The following OAS3 variants were observed in gnomAD, a reference collection of about 807,000 sequenced individuals.
OAS3 encodes the protein 2'-5'-oligoadenylate synthetase 3.
Under a neutral mutation model 113.0 loss-of-function variants are expected in OAS3, and 107 were observed. The ratio of observed to expected loss-of-function variants is 0.95; its 90% CI spans 0.81 to 1.11. The LOEUF is 1.11. Among genes scored for constraint, OAS3 ranks in the 50% most tolerant of loss-of-function variants. The pLI is 0.00. For missense variants in OAS3, 1,258 were observed against 1,389.1 expected (o/e 0.91, Z 1.50); for synonymous variants, 552 against 573.6 (o/e 0.96, Z 0.54).
rs1243086713 is a variant in OAS3 at position 112,963,320 on chromosome 12, G to A, written c.2092G>A (p.Val698Ile). The change falls in exon 10 of 16, where the codon GTC becomes ATC. Residue 698 changes from valine to isoleucine, a missense_variant. Coordinates refer to ENST00000228928, the MANE Select transcript of OAS3 (RefSeq NM_006187.4). The surrounding 1 kb of genome is among the most constrained non-coding windows in gnomAD (Gnocchi z 4.6). ...TTCCTGCTGTGCCCCCAGACCCCTG[G>A]TCCTGGACCCCGCTGATCCCACCTG... is the stretch of plus-strand genomic sequence containing the variant. ...LGQLRKPRPL[V>I]LDPADPTWNV... The A allele has an allele frequency of 1.3e-6, 2 of 1,577,070 alleles. No homozygotes were observed. Among genetic ancestry groups the A allele is most frequent in the Non-Finnish European group, 1.7e-6 (2 of 1,160,506 alleles).
At chr12:112,951,270 T>C (rs2043788656) in intron 7 of OAS3, among the ~76,000 whole-genome samples, 1 of 152,148 alleles carries the variant, frequency 6.6e-6, no homozygotes, top group South Asian at 2.1e-4. Context: ...ATCTGCTTGG[T>C]ATTTTTTTAA....
At chr12:112,962,000 T>C (rs1028680180) in intron 8 of OAS3, among the ~76,000 whole-genome samples, 9 of 152,174 alleles carry the variant, frequency 5.9e-5, no homozygotes, top group African/African-American at 2.2e-4. Flanking sequence ...TCTTACCATG[T>C]TGCCCAGGTT....
rs150868933 is a variant in OAS3, at chr12:112,949,463, G to A, written c.1374+258G>A. 3.5e-4 allele frequency among the ~76,000 whole-genome samples: 54 copies of A among 152,174 alleles called. 1 individual carries two copies. Among genetic ancestry groups the A allele is most frequent in the East Asian group, 3.3e-3 (17 of 5,176 alleles). ...AAAATTCTCCATGGTTTCACAGGGC[G>A]CAGAGGCCTCAAGTCCTACAGGATG... On this transcript the variant is annotated intron_variant, in intron 6 of 15. Transcript: ENST00000228928.
rs1204847737 is a variant in OAS3, at chr12:112,949,047, T to C, written c.1216T>C (p.Leu406=). 1.1e-5 allele frequency: 17 copies of C among 1,614,050 alleles called. No individual in the cohort carries two copies. The highest frequency in any genetic ancestry group is 1.4e-5 in the Non-Finnish European group (16 of 1,179,896). Residue 406 remains leucine, a synonymous_variant, in exon 6 of 16, where the codon TTG becomes CTG. Coordinates refer to ENST00000228928, the MANE Select transcript of OAS3 (RefSeq NM_006187.4). ...CGTCCCCTCTGTGCCGGGAATGGCC[T>C]TGGACCTGTCTCAGATCCCCACCAA... The part of the protein sequence containing the change: ...SIVPSVPGMA[L]DLSQIPTKEL...
In OAS3 at chr12:112,949,172, G is replaced by A. The variant is rs373587772; in HGVS notation, c.1341G>A (p.Glu447=). The change falls in exon 6 of 16, where the codon GAG becomes GAA. Residue 447 remains glutamate (E), a synonymous_variant. Transcript: ENST00000228928. ...ACATCATCTTGCGCTGCCTCCATGA[G>A]AACTGTGTTCACAAGGCCTCAAGAG... ...AIDIILRCLH[E]NCVHKASRVS... is the part of the protein sequence containing the mutation. 5.0e-6 allele frequency: 8 copies of A among 1,613,060 alleles called. No homozygotes were observed. Among genetic ancestry groups the A allele is most frequent in the Non-Finnish European group, 6.8e-6 (8 of 1,179,894 alleles).
chr12:112,968,228 C>A, intron 14 of OAS3, 54 bp downstream of exon 14: 1 of 1,557,702 alleles, frequency 6.4e-7, no homozygotes, highest in Non-Finnish European at 8.7e-7. Context: ...CACTCACTCT[C>A]CCCACTTTCT....
intron 14 of OAS3, among the ~76,000 whole-genome samples, chr12:112,968,451 A>C (rs1209928727): frequency 2.0e-5 from 3 of 152,242 alleles, no homozygotes; most frequent in Non-Finnish European, 4.4e-5. Context: ...TATTTGAGAC[A>C]TAATTACGCT....
At chr12:112,966,144 G>T in intron 12 of OAS3, 115 bp downstream of exon 12, 1 of 1,069,354 alleles carries the variant, frequency 9.4e-7, no homozygotes, top group Non-Finnish European at 1.4e-6. Flanking sequence ...ATCATTGCAG[G>T]CATTGTAGTT....
intron 2 of OAS3, chr12:112,942,178 T>G: frequency 1.9e-6 from 1 of 535,976 alleles, no homozygotes; most frequent in Non-Finnish European, 3.3e-6. Context: ...AGTGGACATG[T>G]GGCTAGCAGT....
At chr12:112,950,343 T>C (rs2043777412) in intron 6 of OAS3, among the ~76,000 whole-genome samples, 1 of 152,170 alleles carries the variant, frequency 6.6e-6, no homozygotes, top group African/African-American at 2.4e-5. Flanking sequence ...GGACCTCAAT[T>C]TGCAACTGCT....
Position 112,964,182 on chromosome 12 carries a change from G to A in OAS3, c.2230-53G>A. The A allele has an allele frequency of 2.0e-6, 3 of 1,530,560 alleles. No homozygotes were observed. In the South Asian group the frequency reaches 3.7e-5, roughly 19 times the overall value. The allele number at this position is 1,530,560 out of a possible 1,614,324, so 94.8% of individuals were successfully genotyped here. ...GAGGACATCAAGGGGCAGGGCTTGG[G>A]TGAGCACTGGGAGTCCCGTCTCAAG... On this transcript the variant is annotated intron_variant, in intron 10 of 15. Transcript: ENST00000228928.
chr12:112,962,881 T>C lies in OAS3; in HGVS notation c.2063T>C (p.Leu688Pro). The change falls in exon 9 of 16, where the codon CTT becomes CCT. Residue 688 changes from leucine to proline, a missense_variant. Leu to Pro is a moderately conservative substitution (Grantham distance 98, BLOSUM62 -3). Coordinates refer to ENST00000228928, the MANE Select transcript of OAS3 (RefSeq NM_006187.4). Reference protein sequence around the residue: ...TEDPAMRMHLLGQLRKPRPLV... With the variant: ...TEDPAMRMHLPGQLRKPRPLV... ...GACCCAGCCATGAGAATGCACCTTC[T>C]TGGCCAGCTTCGAAAACCCAGGTGA... 1 of 1,613,754 alleles carries C rather than the reference T, an allele frequency of 6.2e-7. No individual in the cohort carries two copies. Among genetic ancestry groups the C allele is most frequent in the Non-Finnish European group, 8.5e-7 (1 of 1,179,720 alleles).
chr12:112,947,983 C>G lies in OAS3; in HGVS notation c.913C>G (p.Leu305Val), dbSNP rs1159985856. ...GGACCCAGCTGACCCCACATGGGAC[C>G]TGGGGAATGGGGCAGCCTGGCACTG... is the stretch of plus-strand genomic sequence containing the variant. The part of the protein sequence containing the change: ...ILDPADPTWD[L>V]GNGAAWHWDL... Residue 305 changes from leucine to valine, a missense_variant, in exon 5 of 16, where the codon CTG (leucine) becomes GTG (valine). Physicochemically the swap from Leu to Val is conservative, Grantham distance 32. Transcript: ENST00000228928. 2.5e-6 allele frequency: 4 copies of G among 1,603,914 alleles called. No homozygotes were observed. Among genetic ancestry groups the G allele is most frequent in the South Asian group, 2.2e-5 (2 of 89,726 alleles).
In OAS3 at chr12:112,967,599, G is replaced by A. The variant is rs2043947211; in HGVS notation, c.2865+6G>A. On this transcript the variant is annotated splice_donor_region_variant and intron_variant, in intron 13 of 15. Transcript: ENST00000228928. ...TGAAGCACTGGTACCAGCAGGTTCG[G>A]CACATGGATAGGCCACCTTCCTAAG... 1.2e-6 allele frequency: 2 copies of A among 1,611,678 alleles called. No individual in the cohort carries two copies. The highest frequency in any genetic ancestry group is 1.3e-5 in the African/African-American group (1 of 74,998).
intron 8 of OAS3, 72 bp downstream of exon 8, chr12:112,961,318 T>G: frequency 7.2e-7 from 1 of 1,381,566 alleles, no homozygotes; most frequent in Non-Finnish European, 1.0e-6. Context: ...CAGTTCCTCC[T>G]CTACACCCAC....
At chr12:112,947,519 C>G (rs771931546) in intron 4 of OAS3, among the ~76,000 whole-genome samples, 5 of 152,128 alleles carry the variant, frequency 3.3e-5, no homozygotes, top group African/African-American at 4.8e-5. Flanking sequence ...GTATAGTATT[C>G]CATTGTGTGA....
intron 2 of OAS3, among the ~76,000 whole-genome samples, chr12:112,943,695 G>T (rs2043701658): frequency 6.6e-6 from 1 of 152,110 alleles, no homozygotes. Flanking sequence ...TCTGTCCAGT[G>T]CCCAGTATGC....
chr12:112,966,648 A>AT (rs1455855492), intron 12 of OAS3, among the ~76,000 whole-genome samples: 2 of 151,620 alleles, frequency 1.3e-5, no homozygotes, highest in Admixed American at 6.6e-5. Context: ...TTCATGCAGA[A>AT]TTTTTTTTTA....
At position 112,969,791 on chromosome 12, in the gene OAS3, A is replaced by T. The variant is rs200697840; in HGVS notation, c.3252+36A>T. On this transcript the variant is annotated intron_variant, in intron 15 of 15. Transcript: ENST00000228928. ...TGTGGTGCCAAAGGAAGTACCCTTT[A>T]GGGGTAAGGGGGGAGCATGGTCAGG... is the stretch of plus-strand genomic sequence containing the variant. 730 of 1,607,608 alleles carry T rather than the reference A, an allele frequency of 4.5e-4. 8 individuals are homozygous for T. The highest frequency in any genetic ancestry group is 1.0e-4 in the Admixed American group (6 of 59,764).
Sources: gnomAD v4.1 joint callset for allele counts (sites outside exome capture counted in the v4.1 genomes callset) on GRCh38, gnomAD v4.1.1 for gene constraint, Gnocchi (gnomAD v3.1) non-coding constraint, MANE v1.5 for transcripts, NCBI Gene and HGNC (gene_info 2026-07-23, HGNC 2026-07-21) for gene names.